Variants in PDCD6IP observed in about 807,000 individuals in gnomAD.
PDCD6IP encodes the protein programmed cell death 6-interacting protein.
PDCD6IP carries 43 observed loss-of-function variants against 103.7 expected under a neutral mutation model. The ratio of observed to expected loss-of-function variants is 0.41; its 90% CI spans 0.32 to 0.53. PDCD6IP has a LOEUF of 0.53. PDCD6IP is among the 20% of genes least tolerant of loss of function. The pLI, the probability that PDCD6IP is intolerant of heterozygous loss-of-function variation, is 0.16. For missense variants in PDCD6IP, 871 were observed against 1,036.7 expected (o/e 0.84, Z 2.20); for synonymous variants, 354 against 378.7 (o/e 0.93, Z 0.76).
intron 15 of PDCD6IP, among the ~76,000 whole-genome samples, chr3:33,862,141 G>C (rs1186441969): frequency 6.6e-6 from 1 of 151,778 alleles, no homozygotes; most frequent in Non-Finnish European, 1.5e-5. Context: ...TATAATATAC[G>C]TATATATTTT....
intron 5 of PDCD6IP, 123 bp from the exon 6 acceptor site, chr3:33,826,357 T>G (rs1697123659): frequency 1.5e-6 from 1 of 665,128 alleles, no homozygotes; most frequent in African/African-American, 1.8e-5. Flanking sequence ...GTGCAGAAAA[T>G]GTGATTTCAT....
At chr3:33,830,689 A>C (rs1026182201) in intron 7 of PDCD6IP, among the ~76,000 whole-genome samples, 1 of 152,150 alleles carries the variant, frequency 6.6e-6, no homozygotes, top group Admixed American at 6.6e-5. Flanking sequence ...CAGCCTGGAC[A>C]ATATAGTGAC....
At chr3:33,802,714 T>A (rs1183450931) in intron 1 of PDCD6IP, among the ~76,000 whole-genome samples, 1 of 152,170 alleles carries the variant, frequency 6.6e-6, no homozygotes, top group Non-Finnish European at 1.5e-5. Flanking sequence ...GGTCTGGAAC[T>A]CCTGACCTCG....
chr3:33,842,603 T>C (rs555892328), intron 10 of PDCD6IP, among the ~76,000 whole-genome samples: 2 of 152,198 alleles, frequency 1.3e-5, no homozygotes, highest in African/African-American at 4.8e-5. Context: ...TGTTTTCTCT[T>C]GTGTTCAGTT....
intron 8 of PDCD6IP, among the ~76,000 whole-genome samples, chr3:33,837,295 A>G (rs574078735): frequency 2.6e-5 from 4 of 152,358 alleles, no homozygotes; most frequent in Admixed American, 2.0e-4. Context: ...GTAGATGTAT[A>G]CAACAGATGG....
Position 33,868,892 on chromosome 3 carries a change from A to G in PDCD6IP, c.*2367A>G, listed in dbSNP as rs1338706873. On this transcript the variant is annotated 3_prime_UTR_variant, in exon 18 of 18. Transcript: ENST00000307296. ...TGTCTAATTTTTATCAGTCTGGTAT[A>G]AAGTATTGATCTAAGAGAACTCTCC... 6.6e-6 allele frequency: 1 copy of G among 152,214 alleles called. No individual in the cohort carries two copies. The highest frequency in any genetic ancestry group is 1.5e-5 in the Non-Finnish European group (1 of 68,034). 9.4% of individuals were successfully genotyped at this position (152,214 alleles called of 1,614,324 possible). A position where few individuals can be genotyped will look rare whatever the true frequency, so the allele number is the denominator to read the frequency against.
At chr3:33,820,894 A>T (rs910651593) in intron 3 of PDCD6IP, among the ~76,000 whole-genome samples, 1 of 152,070 alleles carries the variant, frequency 6.6e-6, no homozygotes, top group African/African-American at 2.4e-5. Context: ...CTCTGCTTTC[A>T]TTTTTTTGGG....
chr3:33,865,825 T>A (rs1370361024), intron 17 of PDCD6IP, among the ~76,000 whole-genome samples: 2 of 152,330 alleles, frequency 1.3e-5, no homozygotes, highest in East Asian at 3.9e-4. Context: ...AATAGAAATT[T>A]ATCTAATTAT....
intron 3 of PDCD6IP, among the ~76,000 whole-genome samples, chr3:33,817,683 G>T (rs1432864298): frequency 6.6e-6 from 1 of 151,918 alleles, no homozygotes; most frequent in Admixed American, 6.6e-5. Flanking sequence ...AGCCTGGGAG[G>T]TTGAGGCTGC....
At position 33,844,215 on chromosome 3, in the gene PDCD6IP, T is replaced by TAAA. The variant is rs1697539578; in HGVS notation, c.1465_1466insAAA (p.Leu488_Arg489insLys). ...CCATCCAATGAACTGTATAAGCCTT[T>TAAA]AAGAGCAGGTAAAAATGTGTATAAA... On this transcript the variant is annotated inframe_insertion, in exon 11 of 18. Coordinates refer to ENST00000307296, the MANE Select transcript of PDCD6IP (RefSeq NM_013374.6). 6.6e-7 allele frequency: 1 copy of TAAA among 1,525,378 alleles called. No homozygotes were observed. The highest frequency in any genetic ancestry group is 8.8e-7 in the Non-Finnish European group (1 of 1,139,398). 94.5% of individuals were successfully genotyped at this position (1,525,378 alleles called of 1,614,324 possible).
At chr3:33,845,317 G>T in intron 11 of PDCD6IP, 102 bp from the exon 12 acceptor site, 2 of 740,896 alleles carry the variant, frequency 2.7e-6, no homozygotes, top group South Asian at 4.4e-5. Flanking sequence ...TATAGAAGGG[G>T]AGGATAAGTA....
rs1697089905 is a variant in PDCD6IP at position 33,825,183 on chromosome 3, T to G, written c.463-4T>G. On this transcript the variant is annotated splice_region_variant and splice_polypyrimidine_tract_variant and intron_variant, in intron 4 of 17. Coordinates refer to ENST00000307296, the MANE Select transcript of PDCD6IP (RefSeq NM_013374.6). ...TATAAAGAAATTCTTTTTCCCCCCTTTAGTTTGCTAGTGGTGCCTTTTTAC... is the reference window on the plus strand; with the variant it reads ...TATAAAGAAATTCTTTTTCCCCCCTGTAGTTTGCTAGTGGTGCCTTTTTAC... 6.2e-7 allele frequency: 1 copy of G among 1,605,954 alleles called. No homozygotes were observed. Among genetic ancestry groups the G allele is most frequent in the African/African-American group, 1.3e-5 (1 of 74,392 alleles).
chr3:33,800,365 T>G (rs1047789655), intron 1 of PDCD6IP, among the ~76,000 whole-genome samples: 1 of 152,118 alleles, frequency 6.6e-6, no homozygotes, highest in African/African-American at 2.4e-5. Flanking sequence ...GGGAGGCTCC[T>G]GGGTTTGTTT....
intron 1 of PDCD6IP, among the ~76,000 whole-genome samples, chr3:33,804,870 CT>C (rs2125541599): frequency 6.6e-6 from 1 of 152,302 alleles, no homozygotes; most frequent in South Asian, 2.1e-4. Context: ...CACAAAGAAT[CT>C]ATGAACTCCA....
At chr3:33,810,516 T>G (rs887047023) in intron 1 of PDCD6IP, among the ~76,000 whole-genome samples, 5 of 152,214 alleles carry the variant, frequency 3.3e-5, no homozygotes, top group African/African-American at 1.2e-4. Context: ...CAAAAGATTA[T>G]CTGGGCAGTA....
chr3:33,844,867 TA>T lies in PDCD6IP; in HGVS notation c.1472-541del, dbSNP rs66598271. ...TCATTTAGTAGTGAATCCTGGGTGG[TA>T]AAAAAAAAAATGAGCTTTAAGTTAT... On this transcript the variant is annotated intron_variant, in intron 11 of 17. Transcript: ENST00000307296. Among the ~76,000 whole-genome samples, 579 of 147,982 alleles carry T rather than the reference TA, an allele frequency of 3.9e-3. 2 individuals carry two copies. Among genetic ancestry groups the T allele is most frequent in the South Asian group, 5.8e-3 (27 of 4,660 alleles).
At chr3:33,842,161 C>G (rs1697491255) in intron 10 of PDCD6IP, 87 bp downstream of exon 10, 4 of 873,178 alleles carry the variant, frequency 4.6e-6, no homozygotes, top group East Asian at 4.9e-5. Context: ...CTTCCTCATG[C>G]TAGTACAGTG....
intron 1 of PDCD6IP, among the ~76,000 whole-genome samples, 192 bp from the exon 2 acceptor site, chr3:33,811,880 C>G (rs556654143): frequency 2.0e-4 from 31 of 152,270 alleles, no homozygotes; most frequent in Admixed American, 2.0e-3. Flanking sequence ...GTGGGTATGA[C>G]TTTTTGTTCA....
chr3:33,856,863 A>C (rs1357714326), intron 15 of PDCD6IP, among the ~76,000 whole-genome samples: 1 of 152,184 alleles, frequency 6.6e-6, no homozygotes, highest in South Asian at 2.1e-4. Flanking sequence ...TAGTAAATAC[A>C]TGCTAAAGAT....
Sources: allele counts gnomAD v4.1 joint callset (sites outside exome capture counted in the v4.1 genomes callset), GRCh38; gene constraint gnomAD v4.1.1; transcripts MANE v1.5; gene names NCBI Gene and HGNC (gene_info 2026-07-23, HGNC 2026-07-21).